The following CSMD1 variants were observed in gnomAD, a reference collection of about 807,000 sequenced individuals.
CSMD1 encodes the protein CUB and Sushi multiple domains 1, also known as CUB and sushi domain-containing protein 1.
In CSMD1, 213 loss-of-function variants were observed where a neutral mutation model predicts 417.5. The observed-to-expected ratio is 0.51, with a 90% CI of 0.46 to 0.57. The LOEUF (loss-of-function observed/expected upper bound fraction) is 0.57, where lower values mean the gene tolerates loss of function less well. Ranked by LOEUF, CSMD1 falls within the 20% of genes least tolerant of loss-of-function variation. The pLI, the probability that CSMD1 is intolerant of heterozygous loss-of-function variation, is 0.00. For synonymous variants in CSMD1, 2,862 were observed against 1,736.8 expected (o/e 1.65, Z -16.11); for missense variants, 6,923 against 4,529.7 (o/e 1.53, Z -15.17).
chr8:4,039,911 G>T (rs569880565), intron 3 of CSMD1, among the ~76,000 whole-genome samples: 1 of 152,136 alleles, frequency 6.6e-6, no homozygotes, highest in Non-Finnish European at 1.5e-5. Flanking sequence ...TCTTAGAAAG[G>T]GGAATGAAAA....
intron 5 of CSMD1, among the ~76,000 whole-genome samples, chr8:3,905,740 G>C (rs186463814): frequency 2.5e-4 from 38 of 152,224 alleles, no homozygotes; most frequent in East Asian, 3.9e-4. Flanking sequence ...TAATAGACTC[G>C]TCTTAAAATT....
chr8:3,874,399 C>T (rs1175108089), intron 5 of CSMD1, among the ~76,000 whole-genome samples: 1 of 152,176 alleles, frequency 6.6e-6, no homozygotes, highest in Non-Finnish European at 1.5e-5. Flanking sequence ...GTGACTCCTA[C>T]AGTCATTATA....
intron 1 of CSMD1, among the ~76,000 whole-genome samples, chr8:4,829,170 C>T (rs1260922179): frequency 6.6e-6 from 1 of 152,180 alleles, no homozygotes; most frequent in African/African-American, 2.4e-5. Flanking sequence ...ATTCCACAGC[C>T]AATGTAATTT....
intron 3 of CSMD1, among the ~76,000 whole-genome samples, chr8:4,373,036 A>T (rs1041495059): frequency 2.6e-5 from 4 of 152,198 alleles, no homozygotes; most frequent in Non-Finnish European, 5.9e-5. Flanking sequence ...TCGGGCTCAC[A>T]GTGTATAACC....
At chr8:4,432,876 T>C (rs903415316) in intron 2 of CSMD1, among the ~76,000 whole-genome samples, 1 of 152,220 alleles carries the variant, frequency 6.6e-6, no homozygotes, top group Admixed American at 6.5e-5. Context: ...GAGCCACGAA[T>C]GTGGCTGCCC....
At chr8:3,803,200 A>G (rs962986374) in intron 5 of CSMD1, among the ~76,000 whole-genome samples, 1 of 151,802 alleles carries the variant, frequency 6.6e-6, no homozygotes, top group African/African-American at 2.4e-5. Flanking sequence ...GTTCAGAAAT[A>G]ATTTTTGAGT....
At chr8:3,531,303 T>C (rs1253917573) in intron 10 of CSMD1, among the ~76,000 whole-genome samples, 1 of 152,198 alleles carries the variant, frequency 6.6e-6, no homozygotes, top group Non-Finnish European at 1.5e-5. Context: ...GTTGTGTGAG[T>C]ACTAGTAATC....
intron 26 of CSMD1, among the ~76,000 whole-genome samples, chr8:3,231,346 T>C (rs1188300926): frequency 2.6e-5 from 4 of 152,164 alleles, no homozygotes; most frequent in African/African-American, 4.8e-5. Flanking sequence ...TTCACTGTTT[T>C]CAACACCAAG....
chr8:3,557,981 G>C (rs1318610791), intron 10 of CSMD1, among the ~76,000 whole-genome samples: 2 of 152,058 alleles, frequency 1.3e-5, no homozygotes, highest in Non-Finnish European at 2.9e-5. Context: ...AATGATGAAT[G>C]GTGCCTCAGT....
intron 6 of CSMD1, among the ~76,000 whole-genome samples, chr8:3,716,049 T>G (rs960511131): frequency 6.6e-6 from 1 of 152,194 alleles, no homozygotes; most frequent in Non-Finnish European, 1.5e-5. Context: ...TGGTCGAATG[T>G]CCACCCTCCT....
intron 2 of CSMD1, among the ~76,000 whole-genome samples, chr8:4,532,986 G>A (rs192353327): frequency 1.3e-5 from 2 of 152,260 alleles, no homozygotes; most frequent in East Asian, 1.9e-4. Flanking sequence ...AGTCACTCTG[G>A]AAAAGAAATC....
chr8:3,651,659 T>C (rs2469397), intron 7 of CSMD1, among the ~76,000 whole-genome samples: 132,497 of 152,036 alleles, frequency 0.87, 57,991 homozygotes, highest in Non-Finnish European at 0.92. Flanking sequence ...TTAGCAGCAA[T>C]AGCGTGCTTA....
At chr8:3,226,469 G>A (rs886884252) in intron 27 of CSMD1, among the ~76,000 whole-genome samples, 4 of 151,426 alleles carry the variant, frequency 2.6e-5, no homozygotes, top group Non-Finnish European at 5.9e-5. Context: ...TATAATCCTA[G>A]CTACTCAGGA....
At chr8:4,560,197 G>T (rs1798267606) in intron 2 of CSMD1, among the ~76,000 whole-genome samples, 1 of 152,204 alleles carries the variant, frequency 6.6e-6, no homozygotes, top group African/African-American at 2.4e-5. Flanking sequence ...CATGCTGCAA[G>T]AAGCAGCAGC....
At chr8:4,803,038 A>G (rs1339311853) in intron 1 of CSMD1, among the ~76,000 whole-genome samples, 2 of 152,186 alleles carry the variant, frequency 1.3e-5, no homozygotes, top group Non-Finnish European at 1.5e-5. Context: ...CTCCGGTGCC[A>G]TTTCTAATTC....
intron 3 of CSMD1, among the ~76,000 whole-genome samples, chr8:4,281,081 C>A (rs1002021201): frequency 6.6e-6 from 1 of 152,144 alleles, no homozygotes; most frequent in African/African-American, 2.4e-5. Flanking sequence ...GCAGAGGCTG[C>A]CCCAGAGGTG....
chr8:4,312,601 GCA>G (rs1798691820), intron 3 of CSMD1, among the ~76,000 whole-genome samples: 1 of 149,170 alleles, frequency 6.7e-6, no homozygotes, highest in Non-Finnish European at 1.5e-5. Context: ...TGTTGGCCAG[GCA>G]CAGTGTCTCA....
At chr8:4,428,527 C>T (rs1304615372) in intron 2 of CSMD1, among the ~76,000 whole-genome samples, 1 of 152,124 alleles carries the variant, frequency 6.6e-6, no homozygotes, top group Non-Finnish European at 1.5e-5. Flanking sequence ...AGCAGGTATA[C>T]ACACAGAAGT....
chr8:3,732,730 C>G (rs995111374), intron 6 of CSMD1, among the ~76,000 whole-genome samples: 4 of 152,132 alleles, frequency 2.6e-5, no homozygotes, highest in Non-Finnish European at 4.4e-5. Context: ...ACTGAACCTT[C>G]AAGAGTAACA....
Sources: allele counts gnomAD v4.1 joint callset (sites outside exome capture counted in the v4.1 genomes callset), GRCh38; gene constraint gnomAD v4.1.1; transcripts MANE v1.5; gene names NCBI Gene and HGNC (gene_info 2026-07-23, HGNC 2026-07-21).